The following SEZ6L variants were observed in gnomAD, a reference collection of about 807,000 sequenced individuals.
The protein encoded by SEZ6L is seizure related 6 homolog like.
SEZ6L carries 37 observed loss-of-function variants against 106.2 expected under a neutral mutation model. The observed-to-expected ratio is 0.35, with a 90% CI of 0.27 to 0.46. The LOEUF is 0.46. Ranked by LOEUF, SEZ6L falls within the 20% of genes least tolerant of loss-of-function variation. The pLI, the probability that SEZ6L is intolerant of heterozygous loss-of-function variation, is 1.00. For synonymous variants in SEZ6L, 541 were observed against 570.4 expected (o/e 0.95, Z 0.73); for missense variants, 1,172 against 1,332.8 (o/e 0.88, Z 1.88).
chr22:26,371,119 C>T (rs1303114148), intron 13 of SEZ6L, among the ~76,000 whole-genome samples: 2 of 151,974 alleles, frequency 1.3e-5, no homozygotes, highest in Non-Finnish European at 2.9e-5. Flanking sequence ...TCATTCCACA[C>T]TTTGCTTGTT....
chr22:26,227,895 A>C (rs542238788), intron 1 of SEZ6L, among the ~76,000 whole-genome samples: 7 of 152,348 alleles, frequency 4.6e-5, no homozygotes, highest in African/African-American at 1.7e-4. Context: ...GCACACATGC[A>C]TGGAGAACTC....
At chr22:26,281,613 C>T (rs2080773158) in intron 1 of SEZ6L, among the ~76,000 whole-genome samples, 1 of 152,120 alleles carries the variant, frequency 6.6e-6, no homozygotes, top group Non-Finnish European at 1.5e-5. Flanking sequence ...CTCCTGACCT[C>T]GTGGTCCGCC....
At chr22:26,374,323 T>G (rs1165391362) in intron 14 of SEZ6L, among the ~76,000 whole-genome samples, 1 of 151,968 alleles carries the variant, frequency 6.6e-6, no homozygotes, top group East Asian at 1.9e-4. Flanking sequence ...GGAGCCATCT[T>G]TAGCTTTCTG....
chr22:26,293,192 G>A, intron 2 of SEZ6L, 46 bp downstream of exon 2: 3 of 1,465,814 alleles, frequency 2.0e-6, no homozygotes, highest in East Asian at 2.5e-5. Context: ...CAGCCATGAG[G>A]CACTCACTAT....
chr22:26,178,261 G>C (rs1449329633), intron 1 of SEZ6L, among the ~76,000 whole-genome samples: 1 of 152,190 alleles, frequency 6.6e-6, no homozygotes, highest in East Asian at 1.9e-4. Context: ...AGATAAGCTT[G>C]CACCGGGGAA....
chr22:26,292,974 C>T lies in SEZ6L; in HGVS notation c.663C>T (p.Pro221=), dbSNP rs202064668. Residue 221 remains proline (P), a synonymous_variant, in exon 2 of 17, where the codon CCC becomes CCT. Coordinates refer to ENST00000248933, the MANE Select transcript of SEZ6L (RefSeq NM_021115.5). ...VAHTLPQRPE[P]GEPGPDMAQE... ...ACACACTCCCCCAGAGGCCAGAACC[C>T]GGGGAGCCTGGGCCTGACATGGCCC... is the stretch of plus-strand genomic sequence containing the variant. 55 of 1,613,826 alleles carry T rather than the reference C, an allele frequency of 3.4e-5. No homozygotes were observed. The highest frequency in any genetic ancestry group is 1.3e-4 in the South Asian group (12 of 91,046).
At chr22:26,276,045 G>A (rs2080533686) in intron 1 of SEZ6L, among the ~76,000 whole-genome samples, 1 of 152,134 alleles carries the variant, frequency 6.6e-6, no homozygotes, top group African/African-American at 2.4e-5. Flanking sequence ...CCACTTACCA[G>A]CTGTGACACC....
chr22:26,381,638 G>C lies in SEZ6L; in HGVS notation c.*1343G>C, dbSNP rs2084413571. Reference sequence around the variant, plus strand: ...ACGGGCATTCCTCTTATTTTATCAGGGTCTGTTTTCCCCCAACCCAGTGAA... The same window carrying C: ...ACGGGCATTCCTCTTATTTTATCAGCGTCTGTTTTCCCCCAACCCAGTGAA... On this transcript the variant is annotated 3_prime_UTR_variant, in exon 17 of 17. Transcript: ENST00000248933. 2 of 159,024 alleles carry C rather than the reference G, an allele frequency of 1.3e-5. 1 individual carries two copies. Among genetic ancestry groups the C allele is most frequent in the Middle Eastern group, 6.1e-3 (2 of 328 alleles). 9.9% of individuals were successfully genotyped at this position (159,024 alleles called of 1,614,324 possible).
intron 9 of SEZ6L, among the ~76,000 whole-genome samples, chr22:26,327,328 ACC>A (rs1005729589): frequency 8.0e-6 from 1 of 124,914 alleles, no homozygotes; most frequent in African/African-American, 3.2e-5. Flanking sequence ...CACCACACAC[ACC>A]CCCACACACA....
At chr22:26,369,347 T>TTTTTTTTTTTTTTTTTTTTTTTC (rs1568952170) in intron 13 of SEZ6L, among the ~76,000 whole-genome samples, 1 of 76,412 alleles carries the variant, frequency 1.3e-5, no homozygotes, top group East Asian at 1.6e-3. Flanking sequence ...AGTTCTTTTG[T>TTTTTTTTTTTTTTTTTTTTTTTC]TTTTTTTTTT....
Position 26,298,981 on chromosome 22 carries a change from C to T in SEZ6L, c.1163-3C>T. 1 of 1,554,956 alleles carries T rather than the reference C, an allele frequency of 6.4e-7. No individual in the cohort carries two copies. On this transcript the variant is annotated splice_polypyrimidine_tract_variant and splice_region_variant and intron_variant, in intron 4 of 16. Transcript: ENST00000248933. ...CTGAGTCTGCCTCTGCATTTCTTCC[C>T]AGCCTTCATGCTGAGCTGCAACTTT...
In SEZ6L at chr22:26,376,806, A is replaced by T. The variant is rs187090062; in HGVS notation, c.2943-867A>T. Among the ~76,000 whole-genome samples, 3 of 152,336 alleles carry T rather than the reference A, an allele frequency of 2.0e-5. No homozygotes were observed. In the East Asian group the frequency reaches 5.8e-4, roughly 29 times the overall value. ...AAAGGAGGGTTTCATGCAGGGAAAC[A>T]GCATGTGCAAAGGTCCTGAGGCAGG... is the stretch of plus-strand genomic sequence containing the variant. On this transcript the variant is annotated intron_variant, in intron 15 of 16. Transcript: ENST00000248933.
intron 12 of SEZ6L, among the ~76,000 whole-genome samples, chr22:26,363,883 AT>A: frequency 6.6e-6 from 1 of 152,356 alleles, no homozygotes; most frequent in Admixed American, 6.5e-5. Flanking sequence ...CCTTGAGGAC[AT>A]TATGCTAAGA....
chr22:26,322,971 G>A lies in SEZ6L; in HGVS notation c.2015+9069G>A, dbSNP rs114759382. The stretch of plus-strand genomic sequence containing the variant: ...TTCCCCAACTCTCAAAATAAATTAC[G>A]GAAAGGAGAATAAGGGAACTAACAT... On this transcript the variant is annotated intron_variant, in intron 9 of 16. Coordinates refer to ENST00000248933, the MANE Select transcript of SEZ6L (RefSeq NM_021115.5). 4.7e-3 allele frequency among the ~76,000 whole-genome samples: 712 copies of A among 152,190 alleles called. 5 individuals are homozygous for A. The highest frequency in any genetic ancestry group is 0.016 in the African/African-American group (677 of 41,494).
chr22:26,300,596 A>G (rs1481867884), intron 5 of SEZ6L, among the ~76,000 whole-genome samples: 1 of 152,222 alleles, frequency 6.6e-6, no homozygotes, highest in East Asian at 1.9e-4. Flanking sequence ...GCTATTGTGA[A>G]TAGTGCTGCA....
chr22:26,253,494 G>A (rs1464439029), intron 1 of SEZ6L, among the ~76,000 whole-genome samples: 7 of 152,142 alleles, frequency 4.6e-5, no homozygotes, highest in Non-Finnish European at 8.8e-5. Context: ...AAAAGTCCTA[G>A]AAGAAAAGAT....
intron 1 of SEZ6L, among the ~76,000 whole-genome samples, chr22:26,190,810 T>C (rs1940142518): frequency 6.6e-6 from 1 of 152,226 alleles, no homozygotes; most frequent in African/African-American, 2.4e-5. Context: ...ACTAAGAGTT[T>C]TCTTTTTATT....
intron 9 of SEZ6L, among the ~76,000 whole-genome samples, chr22:26,332,522 C>T (rs1265823341): frequency 6.6e-6 from 1 of 151,568 alleles, no homozygotes. Context: ...TCAAAGCTTA[C>T]TGCAGCCTCA....
rs553902442 is a variant in SEZ6L, at chr22:26,214,628, A to C, written c.94+44865A>C. On this transcript the variant is annotated intron_variant, in intron 1 of 16. Transcript: ENST00000248933. ...AGGAAGGAAGCAGCTTGCCCAGAGA[A>C]AAGGTGTGAACAGACAGACAGCAAC... 2.0e-5 allele frequency among the ~76,000 whole-genome samples: 3 copies of C among 152,326 alleles called. No individual in the cohort carries two copies. In the East Asian group the frequency reaches 5.8e-4, roughly 29 times the overall value.
Sources: gnomAD v4.1 joint callset for allele counts (sites outside exome capture counted in the v4.1 genomes callset) on GRCh38, gnomAD v4.1.1 for gene constraint, MANE v1.5 for transcripts, NCBI Gene and HGNC (gene_info 2026-07-23, HGNC 2026-07-21) for gene names.